The following SPOCK3 variants were observed in gnomAD, a reference collection of about 807,000 sequenced individuals.
The protein encoded by SPOCK3 is SPARC (osteonectin), cwcv and kazal like domains proteoglycan 3, also known as testican-3.
Under a neutral mutation model 56.6 loss-of-function variants are expected in SPOCK3, and 30 were observed. The ratio of observed to expected loss-of-function variants is 0.53; its 90% confidence interval spans 0.40 to 0.72. The LOEUF (loss-of-function observed/expected upper bound fraction) is 0.72, where lower values mean the gene tolerates loss of function less well. SPOCK3 is among the 30% of genes least tolerant of loss of function. The pLI, the probability that SPOCK3 is intolerant of heterozygous loss-of-function variation, is 0.00. For missense variants in SPOCK3, 527 were observed against 530.0 expected (o/e 0.99, Z 0.06); for synonymous variants, 196 against 183.3 (o/e 1.07, Z -0.56).
chr4:167,178,881 C>T (rs542985923), intron 2 of SPOCK3, among the ~76,000 whole-genome samples: 2 of 152,074 alleles, frequency 1.3e-5, no homozygotes, highest in African/African-American at 4.8e-5. Context: ...CTGTTAGGTG[C>T]TTAAAGAGAA....
Position 166,803,042 on chromosome 4 carries a change from C to A in SPOCK3, c.590-10753G>T, listed in dbSNP as rs187817154. 2.6e-5 allele frequency among the ~76,000 whole-genome samples: 4 copies of A among 152,164 alleles called. No homozygotes were observed. The East Asian group carries it at 7.8e-4, about 29-fold the overall frequency. The stretch of plus-strand genomic sequence containing the variant: ...AACTTGGTCTCCAATTGCTCTCTGA[C>A]AAATAAAGCACACACACATGAGCAC... On this transcript the variant is annotated intron_variant, in intron 6 of 10. Coordinates refer to ENST00000357545, the MANE Select transcript of SPOCK3 (RefSeq NM_001040159.2).
At chr4:167,002,401 C>G (rs1303966241) in intron 3 of SPOCK3, among the ~76,000 whole-genome samples, 4 of 152,132 alleles carry the variant, frequency 2.6e-5, no homozygotes, top group Middle Eastern at 3.4e-3. Context: ...AGAATGTTAA[C>G]ACATATCATT....
intron 8 of SPOCK3, among the ~76,000 whole-genome samples, chr4:166,745,709 T>C (rs1465320103): frequency 6.6e-6 from 1 of 151,964 alleles, no homozygotes; most frequent in Non-Finnish European, 1.5e-5. Context: ...GGATAAAGAG[T>C]CAAGACCCAT....
chr4:166,965,392 GT>G lies in SPOCK3; in HGVS notation c.350+34956del, dbSNP rs143710160. 4.5e-3 allele frequency among the ~76,000 whole-genome samples: 627 copies of G among 139,030 alleles called. 3 individuals carry two copies. Among genetic ancestry groups the G allele is most frequent in the African/African-American group, 0.013 (498 of 38,944 alleles). 91.2% of individuals were successfully genotyped at this position (139,030 alleles called of 152,430 possible). A position where few individuals can be genotyped will look rare whatever the true frequency, so the allele number is the denominator to read the frequency against. On this transcript the variant is annotated intron_variant, in intron 4 of 10. Transcript: ENST00000357545. ...TGCTGGCAAAGAATTTTCTATTATT[GT>G]TTTTTTTTTTTTGTTTCTGAAAATC...
At chr4:166,913,814 G>A (rs1220021605) in intron 4 of SPOCK3, among the ~76,000 whole-genome samples, 3 of 151,900 alleles carry the variant, frequency 2.0e-5, no homozygotes, top group African/African-American at 7.3e-5. Context: ...TTTTCATGAA[G>A]CCTATCATAG....
chr4:167,206,966 C>CA (rs575128356), intron 2 of SPOCK3, among the ~76,000 whole-genome samples: 12 of 151,282 alleles, frequency 7.9e-5, no homozygotes, highest in Middle Eastern at 3.4e-3. Flanking sequence ...GTTCCCAACA[C>CA]AAAAAAAACG....
At chr4:167,148,835 G>T (rs911334190) in intron 2 of SPOCK3, among the ~76,000 whole-genome samples, 1 of 151,968 alleles carries the variant, frequency 6.6e-6, no homozygotes, top group Non-Finnish European at 1.5e-5. Context: ...AAAATAATTT[G>T]CAAGGCAAAG....
At chr4:166,839,569 G>A (rs1747014978) in intron 6 of SPOCK3, among the ~76,000 whole-genome samples, 1 of 152,014 alleles carries the variant, frequency 6.6e-6, no homozygotes, top group South Asian at 2.1e-4. Context: ...CCACACTAAT[G>A]GATGAAGTTC....
intron 4 of SPOCK3, among the ~76,000 whole-genome samples, chr4:166,973,566 CTAATT>C (rs1579857171): frequency 6.6e-6 from 1 of 151,168 alleles, no homozygotes; most frequent in Non-Finnish European, 1.5e-5. Flanking sequence ...ACATTATCAA[CTAATT>C]TAATAAAAAG....
intron 2 of SPOCK3, among the ~76,000 whole-genome samples, chr4:167,175,708 T>A (rs1730926073): frequency 6.6e-6 from 1 of 152,026 alleles, no homozygotes; most frequent in African/African-American, 2.4e-5. Flanking sequence ...CCGGAACAGA[T>A]CCTTCCCTCA....
intron 6 of SPOCK3, among the ~76,000 whole-genome samples, chr4:166,809,730 C>A (rs542652816): frequency 2.6e-5 from 4 of 151,994 alleles, no homozygotes; most frequent in Non-Finnish European, 5.9e-5. Flanking sequence ...TAAGCAGCCC[C>A]TGATAGCTGG....
intron 6 of SPOCK3, among the ~76,000 whole-genome samples, chr4:166,836,436 T>C (rs1746631386): frequency 2.6e-5 from 4 of 152,238 alleles, no homozygotes; most frequent in South Asian, 4.1e-4. Flanking sequence ...AATGAACTTA[T>C]ATTAAAACTG....
chr4:167,157,911 G>C (rs780695135), intron 2 of SPOCK3, among the ~76,000 whole-genome samples: 1 of 151,856 alleles, frequency 6.6e-6, no homozygotes, highest in Non-Finnish European at 1.5e-5. Context: ...GGTTTGCAAC[G>C]AGCCCTATAT....
intron 3 of SPOCK3, among the ~76,000 whole-genome samples, chr4:167,004,771 G>T (rs1184310242): frequency 6.6e-6 from 1 of 152,052 alleles, no homozygotes; most frequent in African/African-American, 2.4e-5. Flanking sequence ...GGTGTTTGGT[G>T]GCACCACTGA....
chr4:167,030,430 C>T (rs1456120815), intron 3 of SPOCK3, among the ~76,000 whole-genome samples: 1 of 152,024 alleles, frequency 6.6e-6, no homozygotes, highest in African/African-American at 2.4e-5. Context: ...CTGCGAAGCA[C>T]AGGTTAATTT....
intron 2 of SPOCK3, among the ~76,000 whole-genome samples, chr4:167,143,562 C>A (rs1243703745): frequency 1.3e-5 from 2 of 151,920 alleles, no homozygotes; most frequent in East Asian, 1.9e-4. Context: ...AACATACATA[C>A]CTTTCACTTT....
At chr4:166,790,132 A>C (rs1194764399) in intron 7 of SPOCK3, among the ~76,000 whole-genome samples, 2 of 152,162 alleles carry the variant, frequency 1.3e-5, no homozygotes, top group Non-Finnish European at 2.9e-5. Context: ...TTATTTAGTG[A>C]ATAGTATATG....
At chr4:167,208,172 A>G (rs1734532501) in intron 2 of SPOCK3, among the ~76,000 whole-genome samples, 1 of 152,132 alleles carries the variant, frequency 6.6e-6, no homozygotes, top group Admixed American at 6.6e-5. Context: ...TTCCCTTAAA[A>G]TATTTGTCTT....
At chr4:166,851,801 G>A (rs1213687663) in intron 6 of SPOCK3, among the ~76,000 whole-genome samples, 35 of 151,954 alleles carry the variant, frequency 2.3e-4, no homozygotes, top group African/African-American at 6.8e-4. Flanking sequence ...TACTGGGTAT[G>A]TACCCAAAAG....
Sources: allele counts gnomAD v4.1 joint callset (sites outside exome capture counted in the v4.1 genomes callset), GRCh38; gene constraint gnomAD v4.1.1; transcripts MANE v1.5; gene names NCBI Gene and HGNC (gene_info 2026-07-23, HGNC 2026-07-21).